Variants in GPHN observed in about 807,000 individuals in gnomAD.
GPHN encodes gephyrin.
Under a neutral mutation model 95.5 loss-of-function variants are expected in GPHN, and 17 were observed. The observed-to-expected ratio is 0.18, with a 90% CI of 0.12 to 0.27. GPHN has a LOEUF of 0.27. Among genes scored for constraint, GPHN ranks in the 10% least tolerant of loss-of-function variants. The pLI is 1.00. For synonymous variants in GPHN, 320 were observed against 322.5 expected, an observed-to-expected ratio of 0.99 and a Z score of 0.08; for missense variants, 660 against 978.1, an observed-to-expected ratio of 0.67 and a Z score of 4.34.
chr14:66,647,311 A>C lies in GPHN; in HGVS notation c.65-33796A>C, dbSNP rs2064807532. Among the ~76,000 whole-genome samples, 5 of 148,828 alleles carry C rather than the reference A, an allele frequency of 3.4e-5. No individual in the cohort carries two copies. The South Asian group carries it at 1.1e-3, about 31-fold the overall frequency. On this transcript the variant is annotated intron_variant, in intron 1 of 22. Coordinates refer to ENST00000478722, the MANE Select transcript of GPHN (RefSeq NM_020806.5). ...AAAGTCATCTAGTGTGCTTAAGATAAAATTTAAAATCCTTTTAAAAAAGAT... is the reference window on the plus strand; with the variant it reads ...AAAGTCATCTAGTGTGCTTAAGATACAATTTAAAATCCTTTTAAAAAAGAT...
Position 66,776,343 on chromosome 14 carries a change from C to T in GPHN, c.144-121C>T. The T allele has an allele frequency of 8.1e-6, 6 of 742,782 alleles. No homozygotes were observed. The East Asian group carries it at 9.9e-5, about 12-fold the overall frequency. 46.0% of individuals were successfully genotyped at this position (742,782 alleles called of 1,614,324 possible). A position where few individuals can be genotyped will look rare whatever the true frequency, so the allele number is the denominator to read the frequency against. On this transcript the variant is annotated intron_variant, in intron 2 of 22. Coordinates refer to ENST00000478722, the MANE Select transcript of GPHN (RefSeq NM_020806.5). ...ATGCACAAAATGGTTGTTTTTCCTC[C>T]ATGGTTGTTGGGGTGAATACTGGGA...
At chr14:67,057,842 TG>T (rs2075666923) in intron 10 of GPHN, among the ~76,000 whole-genome samples, 1 of 152,206 alleles carries the variant, frequency 6.6e-6, no homozygotes, top group African/African-American at 2.4e-5. Context: ...AAATATTTGT[TG>T]AATGGGTATG....
the GPHN span, among the ~76,000 whole-genome samples, chr14:67,491,659 G>T: frequency 4.8e-4 from 73 of 152,270 alleles, 1 homozygote; most frequent in Middle Eastern, 0.014. Flanking sequence ...ATGCCTAAAG[G>T]CCCACTGGGG....
the GPHN span, among the ~76,000 whole-genome samples, chr14:67,367,445 G>A: frequency 6.6e-6 from 1 of 150,820 alleles, no homozygotes; most frequent in South Asian, 2.1e-4. Context: ...TGGCCAGAAT[G>A]GTCTTGATCT....
intron 10 of GPHN, among the ~76,000 whole-genome samples, chr14:67,035,572 A>G (rs2074382618): frequency 6.6e-6 from 1 of 152,010 alleles, no homozygotes; most frequent in Admixed American, 6.6e-5. Flanking sequence ...GGAAATAGAG[A>G]TGATAAGAGA....
chr14:67,322,610 C>T, the GPHN span, among the ~76,000 whole-genome samples: 1 of 152,098 alleles, frequency 6.6e-6, no homozygotes, highest in Non-Finnish European at 1.5e-5. Context: ...TGGACAAATG[C>T]ACTTAGGCTC....
chr14:67,471,637 G>C, the GPHN span: 1 of 152,214 alleles, frequency 6.6e-6, no homozygotes, highest in African/African-American at 2.4e-5. Flanking sequence ...CAGGAAATAG[G>C]CTAGGAAATA....
chr14:66,711,160 ACTG>A (rs1359616773), intron 2 of GPHN, among the ~76,000 whole-genome samples: 3 of 152,098 alleles, frequency 2.0e-5, no homozygotes, highest in Non-Finnish European at 4.4e-5. Context: ...AGCAGTATAC[ACTG>A]CACCCTATTT....
At chr14:67,599,223 A>G in the GPHN span, among the ~76,000 whole-genome samples, 1 of 152,228 alleles carries the variant, frequency 6.6e-6, no homozygotes, top group Non-Finnish European at 1.5e-5. Flanking sequence ...TAATACATTC[A>G]ATTCAGGCAC....
Position 67,061,261 on chromosome 14 carries a change from G to A in GPHN, c.1144+2475G>A, listed in dbSNP as rs551727382. ...TCTCCATGTTGGTCAGGCTGGTCTC[G>A]AACTCCCAGTCTCAGGTGATCCACC... is the stretch of plus-strand genomic sequence containing the variant. On this transcript the variant is annotated intron_variant, in intron 11 of 22. Coordinates refer to ENST00000478722, the MANE Select transcript of GPHN (RefSeq NM_020806.5). Among the ~76,000 whole-genome samples the A allele has an allele frequency of 7.4e-4, 113 of 152,014 alleles. 1 individual carries two copies. Among genetic ancestry groups the A allele is most frequent in the Middle Eastern group, 3.4e-3 (1 of 294 alleles).
chr14:66,630,450 T>G (rs1256883902), intron 1 of GPHN, among the ~76,000 whole-genome samples: 4 of 152,120 alleles, frequency 2.6e-5, no homozygotes, highest in Admixed American at 6.6e-5. Context: ...AAGTTTAATG[T>G]TGGCAATTGG....
intron 1 of GPHN, among the ~76,000 whole-genome samples, chr14:66,611,068 T>A (rs1337606187): frequency 2.0e-5 from 3 of 152,192 alleles, no homozygotes; most frequent in Non-Finnish European, 4.4e-5. Context: ...CAAATAATCT[T>A]CATCAGTTAT....
At chr14:67,303,073 G>A in the GPHN span, among the ~76,000 whole-genome samples, 2 of 152,008 alleles carry the variant, frequency 1.3e-5, no homozygotes, top group African/African-American at 4.8e-5. Context: ...TTCCTTATTC[G>A]CACTAGCTGC....
At chr14:67,283,550 A>C in the GPHN span, among the ~76,000 whole-genome samples, 3 of 152,162 alleles carry the variant, frequency 2.0e-5, no homozygotes, top group Non-Finnish European at 4.4e-5. Flanking sequence ...TTGTTTAGCT[A>C]TTGTTACAGA....
intron 9 of GPHN, among the ~76,000 whole-genome samples, chr14:67,009,197 C>A (rs1219092580): frequency 1.3e-5 from 2 of 151,600 alleles, no homozygotes; most frequent in Non-Finnish European, 2.9e-5. Flanking sequence ...AAGTAATAAC[C>A]CATTTCAGCC....
intron 9 of GPHN, among the ~76,000 whole-genome samples, chr14:66,968,154 T>G (rs1405737004): frequency 6.6e-6 from 1 of 152,024 alleles, no homozygotes; most frequent in Non-Finnish European, 1.5e-5. Flanking sequence ...TTTTAATTTT[T>G]TAGCATAAAA....
chr14:67,378,386 CATTT>C, the GPHN span, among the ~76,000 whole-genome samples: 1 of 134,164 alleles, frequency 7.5e-6, no homozygotes, highest in African/African-American at 2.8e-5. Flanking sequence ...TGATAACTAA[CATTT>C]ATATAATTCT....
At chr14:66,971,157 T>C (rs1227324625) in intron 9 of GPHN, among the ~76,000 whole-genome samples, 1 of 152,160 alleles carries the variant, frequency 6.6e-6, no homozygotes, top group Non-Finnish European at 1.5e-5. Context: ...GGAAAAACCC[T>C]GTCTCTACCA....
chr14:66,949,401 A>AATCATTCATTATCAATCATTATCATT (rs2067957583), intron 8 of GPHN, among the ~76,000 whole-genome samples: 1 of 152,184 alleles, frequency 6.6e-6, no homozygotes, highest in African/African-American at 2.4e-5. Context: ...CCCAGCCTGT[A>AATCATTCATTATCAATCATTATCATT]ATCAATCATT....
Sources: allele counts gnomAD v4.1 joint callset (sites outside exome capture counted in the v4.1 genomes callset), GRCh38; gene constraint gnomAD v4.1.1; transcripts MANE v1.5; gene names NCBI Gene and HGNC (gene_info 2026-07-23, HGNC 2026-07-21).